The following PTPRD variants were observed in gnomAD, a reference collection of about 807,000 sequenced individuals.
The protein encoded by PTPRD is receptor-type tyrosine-protein phosphatase delta.
Under a neutral mutation model 214.5 loss-of-function variants are expected in PTPRD, and 34 were observed. That is an observed-to-expected ratio of 0.16 (90% CI 0.12 to 0.21). The LOEUF is 0.21. Ranked by LOEUF, PTPRD falls within the 10% of genes least tolerant of loss-of-function variation. The probability of loss-of-function intolerance (pLI) is 1.00; values close to 1 mark genes in which losing one functional copy is unlikely to be tolerated. For missense variants in PTPRD, 2,545 were observed against 2,398.7 expected, an observed-to-expected ratio of 1.06 and a Z score of -1.27; for synonymous variants, 1,128 against 845.7, an observed-to-expected ratio of 1.33 and a Z score of -5.79.
chr9:8,583,667 T>C (rs1360383057), intron 14 of PTPRD, among the ~76,000 whole-genome samples: 1 of 152,192 alleles, frequency 6.6e-6, no homozygotes, highest in Non-Finnish European at 1.5e-5. Flanking sequence ...ATGGAGATAA[T>C]ATATACCTAA....
intron 10 of PTPRD, among the ~76,000 whole-genome samples, chr9:9,023,706 C>G (rs1386873454): frequency 6.6e-6 from 1 of 151,856 alleles, no homozygotes; most frequent in Non-Finnish European, 1.5e-5. Context: ...CTCCCATGTT[C>G]ATGTCCATGT....
intron 6 of PTPRD, among the ~76,000 whole-genome samples, chr9:9,735,353 C>T (rs965525685): frequency 5.3e-5 from 8 of 152,098 alleles, no homozygotes; most frequent in Non-Finnish European, 8.8e-5. Context: ...ATTCTTTAAA[C>T]ATTTGATGGT....
chr9:10,176,584 A>T lies in PTPRD; in HGVS notation c.-544-142794T>A, dbSNP rs545486742. 3.0e-4 allele frequency among the ~76,000 whole-genome samples: 45 copies of T among 152,108 alleles called. No individual in the cohort carries two copies. The South Asian group carries it at 8.9e-3, about 30-fold the overall frequency. ...GTCACATAGTAAAAGTGATTGGAAA[A>T]GGTTATCTTGAACAAAGGTTCTTTT... is the stretch of plus-strand genomic sequence containing the variant. On this transcript the variant is annotated intron_variant, in intron 3 of 45. Transcript: ENST00000381196.
chr9:10,410,005 T>A (rs150041894), intron 2 of PTPRD, among the ~76,000 whole-genome samples: 508 of 151,738 alleles, frequency 3.3e-3, no homozygotes, highest in South Asian at 9.5e-3. Context: ...TCACAGAAAC[T>A]GTGTAATTAA....
At chr9:10,486,297 G>T (rs957353805) in intron 2 of PTPRD, among the ~76,000 whole-genome samples, 8 of 152,022 alleles carry the variant, frequency 5.3e-5, no homozygotes, top group African/African-American at 1.7e-4. Context: ...TTTATTCTAG[G>T]GTTTTTATGG....
chr9:8,370,900 T>C (rs865903728), intron 39 of PTPRD, among the ~76,000 whole-genome samples: 1 of 152,116 alleles, frequency 6.6e-6, no homozygotes, highest in Non-Finnish European at 1.5e-5. Context: ...TCTGCTGTTT[T>C]TTCTTCTGTG....
chr9:9,439,790 T>C (rs554127962), intron 8 of PTPRD, among the ~76,000 whole-genome samples: 2 of 152,336 alleles, frequency 1.3e-5, no homozygotes, highest in Admixed American at 1.3e-4. Context: ...TTTATTTGTA[T>C]AATTTCATTT....
intron 4 of PTPRD, among the ~76,000 whole-genome samples, chr9:10,018,538 CTTTTTTTT>C (rs71321214): frequency 1.3e-4 from 9 of 71,124 alleles, no homozygotes; most frequent in East Asian, 4.8e-4. Context: ...AATTACATTT[CTTTTTTTT>C]TTTTTTTTTT....
chr9:8,657,199 C>T (rs2096928633), intron 12 of PTPRD, among the ~76,000 whole-genome samples: 1 of 135,076 alleles, frequency 7.4e-6, no homozygotes, highest in East Asian at 2.4e-4. Context: ...CAGAGTTTCA[C>T]TCTTGCTGCC....
At chr9:8,936,062 AT>A (rs2098994784) in intron 11 of PTPRD, 1 of 152,074 alleles carries the variant, frequency 6.6e-6, no homozygotes, top group African/African-American at 2.4e-5. Flanking sequence ...ACTCTGACAC[AT>A]TATCTCGGAT....
chr9:8,930,051 G>C (rs1251093235), intron 11 of PTPRD, among the ~76,000 whole-genome samples: 1 of 151,600 alleles, frequency 6.6e-6, no homozygotes, highest in Non-Finnish European at 1.5e-5. Context: ...ATGTTGGTGT[G>C]CTGCACCCAT....
chr9:9,001,118 T>C (rs72692820), intron 11 of PTPRD, among the ~76,000 whole-genome samples: 16,237 of 151,992 alleles, frequency 0.11, 956 homozygotes, highest in East Asian at 0.2. Context: ...AAGGCACCGG[T>C]TACTAATGAA....
At position 10,272,874 on chromosome 9, in the gene PTPRD, C is replaced by G. The variant is rs367798005; in HGVS notation, c.-545+68089G>C. On this transcript the variant is annotated intron_variant, in intron 3 of 45. Coordinates refer to ENST00000381196, the MANE Select transcript of PTPRD (RefSeq NM_002839.4). ...TGTGTGAATTTTTGAAGACTTTTATCTTAACTTTTAATAAATGTCTTTCTT... is the reference window on the plus strand; with the variant it reads ...TGTGTGAATTTTTGAAGACTTTTATGTTAACTTTTAATAAATGTCTTTCTT... Among the ~76,000 whole-genome samples, 4 of 152,268 alleles carry G rather than the reference C, an allele frequency of 2.6e-5. 1 individual carries two copies. Among genetic ancestry groups the G allele is most frequent in the African/African-American group, 7.2e-5 (3 of 41,570 alleles).
chr9:9,161,139 G>T (rs2099887697), intron 10 of PTPRD, among the ~76,000 whole-genome samples: 1 of 152,072 alleles, frequency 6.6e-6, no homozygotes, highest in African/African-American at 2.4e-5. Context: ...GCACGGCAGG[G>T]TGACTATAGT....
chr9:8,676,973 A>G (rs1325293978), intron 12 of PTPRD, among the ~76,000 whole-genome samples: 1 of 152,240 alleles, frequency 6.6e-6, no homozygotes, highest in Non-Finnish European at 1.5e-5. Context: ...GAATGAAATG[A>G]ACGAATAAAG....
intron 33 of PTPRD, among the ~76,000 whole-genome samples, chr9:8,457,691 T>C (rs7044441): frequency 0.3 from 45,342 of 151,938 alleles, 7,021 homozygotes; most frequent in African/African-American, 0.4. Context: ...AGCAGAGATA[T>C]ATGATAAAGT....
intron 11 of PTPRD, among the ~76,000 whole-genome samples, chr9:8,897,628 C>T (rs774693132): frequency 2.0e-5 from 3 of 152,142 alleles, no homozygotes; most frequent in Non-Finnish European, 2.9e-5. Context: ...CCAGGGGAAC[C>T]CAGGACTCAG....
chr9:9,536,430 A>G (rs1235178455), intron 8 of PTPRD, among the ~76,000 whole-genome samples: 1 of 152,062 alleles, frequency 6.6e-6, no homozygotes, highest in East Asian at 1.9e-4. Flanking sequence ...ATTATTAATT[A>G]TTTGCCTAAG....
At chr9:10,499,194 C>G (rs1273018115) in intron 2 of PTPRD, among the ~76,000 whole-genome samples, 1 of 151,878 alleles carries the variant, frequency 6.6e-6, no homozygotes, top group African/African-American at 2.4e-5. Context: ...TAGATTTATC[C>G]TTCTGTACAC....
Sources: allele counts gnomAD v4.1 joint callset (sites outside exome capture counted in the v4.1 genomes callset), GRCh38; gene constraint gnomAD v4.1.1; transcripts MANE v1.5; gene names NCBI Gene and HGNC (gene_info 2026-07-23, HGNC 2026-07-21).